ST6GALNAC3: variants seen among roughly 807,000 people sequenced by gnomAD.
The protein encoded by ST6GALNAC3 is ST6 N-acetylgalactosaminide alpha-2,6-sialyltransferase 3.
A neutral mutation model predicts 32.7 loss-of-function variants in ST6GALNAC3; 25 were observed. The ratio of observed to expected loss-of-function variants is 0.76; its 90% CI spans 0.56 to 1.07. The LOEUF (loss-of-function observed/expected upper bound fraction) is 1.07. Among genes scored for constraint, ST6GALNAC3 ranks in the 50% least tolerant of loss-of-function variants. The probability of loss-of-function intolerance (pLI) is 0.00; values close to 1 mark genes in which losing one functional copy is unlikely to be tolerated. For missense variants in ST6GALNAC3, 355 were observed against 382.4 expected (o/e 0.93, Z 0.60); for synonymous variants, 129 against 133.1 (o/e 0.97, Z 0.21).
At chr1:76,106,516 G>T (rs920985633) in intron 1 of ST6GALNAC3, among the ~76,000 whole-genome samples, 2 of 152,100 alleles carry the variant, frequency 1.3e-5, no homozygotes, top group African/African-American at 4.8e-5. Context: ...CTTGTGCTTG[G>T]GATAATTGTG....
At chr1:76,501,305 C>A (rs966665119) in intron 3 of ST6GALNAC3, among the ~76,000 whole-genome samples, 2 of 152,152 alleles carry the variant, frequency 1.3e-5, no homozygotes, top group African/African-American at 4.8e-5. Context: ...ATCACCAAAG[C>A]CCTGGTCACA....
At chr1:76,250,174 C>G (rs1657528771) in intron 1 of ST6GALNAC3, among the ~76,000 whole-genome samples, 1 of 152,096 alleles carries the variant, frequency 6.6e-6, no homozygotes, top group African/African-American at 2.4e-5. Context: ...GAATCAGAGC[C>G]TAATCCTTAG....
At chr1:76,594,011 C>G (rs1647090062) in intron 3 of ST6GALNAC3, among the ~76,000 whole-genome samples, 4 of 152,080 alleles carry the variant, frequency 2.6e-5, no homozygotes, top group Admixed American at 2.6e-4. Context: ...GAAGGGGGCC[C>G]TTGTGCTGCC....
intron 3 of ST6GALNAC3, among the ~76,000 whole-genome samples, chr1:76,518,080 T>C (rs562159581): frequency 1.5e-4 from 23 of 152,146 alleles, no homozygotes; most frequent in African/African-American, 4.3e-4. Context: ...CTTCATATCA[T>C]TGATTTATAA....
intron 3 of ST6GALNAC3, among the ~76,000 whole-genome samples, chr1:76,476,954 A>C (rs750602185): frequency 6.6e-6 from 1 of 152,028 alleles, no homozygotes; most frequent in Non-Finnish European, 1.5e-5. Context: ...GTGCCTTGGC[A>C]TCTGACTCTC....
intron 1 of ST6GALNAC3, among the ~76,000 whole-genome samples, chr1:76,255,252 T>C (rs1363871368): frequency 6.6e-6 from 1 of 152,114 alleles, no homozygotes; most frequent in Non-Finnish European, 1.5e-5. Context: ...CCCCTTATAC[T>C]AACTGAGTTG....
At position 76,308,934 on chromosome 1, in the gene ST6GALNAC3, T is replaced by C. The variant is rs565115372; in HGVS notation, c.19-4871T>C. Among the ~76,000 whole-genome samples the C allele has an allele frequency of 1.6e-4, 25 of 152,332 alleles. No homozygotes were observed. In the South Asian group the frequency reaches 5.2e-3, roughly 32 times the overall value. ...CTGTCTAGAATCATCTCCTACCACT[T>C]AGAGTCTATGTATTCTTCTGACCAA... On this transcript the variant is annotated intron_variant, in intron 1 of 4. Coordinates refer to ENST00000328299, the MANE Select transcript of ST6GALNAC3 (RefSeq NM_152996.4).
intron 3 of ST6GALNAC3, among the ~76,000 whole-genome samples, chr1:76,479,994 A>G (rs1388953825): frequency 6.6e-6 from 1 of 152,232 alleles, no homozygotes; most frequent in East Asian, 1.9e-4. Flanking sequence ...AAAGTAGTCA[A>G]GTTATCTATA....
At chr1:76,318,299 T>C (rs1317746198) in intron 2 of ST6GALNAC3, among the ~76,000 whole-genome samples, 2 of 152,132 alleles carry the variant, frequency 1.3e-5, no homozygotes, top group Non-Finnish European at 1.5e-5. Context: ...GAGTTGGTGA[T>C]TGGCTTTAAC....
At chr1:76,311,554 GT>G in intron 1 of ST6GALNAC3, among the ~76,000 whole-genome samples, 1 of 152,218 alleles carries the variant, frequency 6.6e-6, no homozygotes, top group African/African-American at 2.4e-5. Flanking sequence ...TCCCATGTTA[GT>G]TTGCTGAGAG....
intron 2 of ST6GALNAC3, among the ~76,000 whole-genome samples, chr1:76,342,290 C>A (rs879307453): frequency 1.3e-5 from 2 of 152,170 alleles, no homozygotes; most frequent in Non-Finnish European, 2.9e-5. Flanking sequence ...ACCAAACTGT[C>A]TTCCACAATG....
Position 76,632,300 on chromosome 1 carries a change from C to G in ST6GALNAC3, c.*3494C>G, listed in dbSNP as rs1419272001. Reference sequence around the variant, plus strand: ...GGCCAGAAGAATAAAGCTAGAGAAGCTGCTAAATCTAGAAAACACAATCAG... The same window carrying G: ...GGCCAGAAGAATAAAGCTAGAGAAGGTGCTAAATCTAGAAAACACAATCAG... On this transcript the variant is annotated 3_prime_UTR_variant, in exon 5 of 5. Transcript: ENST00000328299. 6.6e-6 allele frequency: 1 copy of G among 152,078 alleles called. No homozygotes were observed. The highest frequency in any genetic ancestry group is 1.9e-4 in the East Asian group (1 of 5,180). 9.4% of individuals were successfully genotyped at this position (152,078 alleles called of 1,614,324 possible). A position where few individuals can be genotyped will look rare whatever the true frequency, so the allele number is the denominator to read the frequency against.
chr1:76,408,912 A>T (rs1030499904), intron 2 of ST6GALNAC3, among the ~76,000 whole-genome samples: 2 of 152,132 alleles, frequency 1.3e-5, no homozygotes, highest in Non-Finnish European at 2.9e-5. Context: ...CATATGATAC[A>T]CACAATTTAA....
At chr1:76,536,494 C>A (rs1663608558) in intron 3 of ST6GALNAC3, among the ~76,000 whole-genome samples, 1 of 151,910 alleles carries the variant, frequency 6.6e-6, no homozygotes, top group South Asian at 2.1e-4. Context: ...AGAACTCACT[C>A]AACATCATGA....
At chr1:76,240,754 A>G (rs916686290) in intron 1 of ST6GALNAC3, among the ~76,000 whole-genome samples, 9 of 152,172 alleles carry the variant, frequency 5.9e-5, no homozygotes, top group African/African-American at 1.2e-4. Context: ...CACAGAAACA[A>G]AACATTTGGA....
At chr1:76,353,366 A>G (rs1649158837) in intron 2 of ST6GALNAC3, among the ~76,000 whole-genome samples, 1 of 152,042 alleles carries the variant, frequency 6.6e-6, no homozygotes, top group South Asian at 2.1e-4. Flanking sequence ...CTGGCACCAT[A>G]ACTAATGTCA....
chr1:76,362,768 C>T (rs570381426), intron 2 of ST6GALNAC3, among the ~76,000 whole-genome samples: 4 of 152,344 alleles, frequency 2.6e-5, no homozygotes, highest in South Asian at 2.1e-4. Context: ...CACACTGATG[C>T]AAGGGGTGGG....
intron 1 of ST6GALNAC3, among the ~76,000 whole-genome samples, chr1:76,108,661 G>T (rs141686781): frequency 3.3e-5 from 5 of 152,318 alleles, no homozygotes; most frequent in African/African-American, 1.2e-4. Context: ...TACAGGAGTT[G>T]TCTTCTGAGC....
At chr1:76,552,246 C>T (rs1664681635) in intron 3 of ST6GALNAC3, among the ~76,000 whole-genome samples, 1 of 152,128 alleles carries the variant, frequency 6.6e-6, no homozygotes, top group African/African-American at 2.4e-5. Context: ...TCTCTCACGG[C>T]TAGGATTGCT....
Sources: allele counts gnomAD v4.1 joint callset (sites outside exome capture counted in the v4.1 genomes callset), GRCh38; gene constraint gnomAD v4.1.1; transcripts MANE v1.5; gene names NCBI Gene and HGNC (gene_info 2026-07-23, HGNC 2026-07-21).